The following DEDD2 variants were observed in gnomAD, a reference collection of about 807,000 sequenced individuals.
DEDD2 encodes the protein death effector domain containing 2.
In DEDD2, 18 loss-of-function variants were observed where a neutral mutation model predicts 28.9. The observed-to-expected ratio is 0.62, with a 90% CI of 0.43 to 0.92. The LOEUF (loss-of-function observed/expected upper bound fraction) is 0.92, where lower values mean the gene tolerates loss of function less well. DEDD2 is among the 40% of genes least tolerant of loss of function. DEDD2 has a pLI of 0.00. For missense variants in DEDD2, 411 were observed against 463.3 expected (o/e 0.89, Z 1.04); for synonymous variants, 211 against 206.1 (o/e 1.02, Z -0.20).
At chr19:42,207,402 T>C (rs2035577398) in intron 4 of DEDD2, among the ~76,000 whole-genome samples, 1 of 152,060 alleles carries the variant, frequency 6.6e-6, no homozygotes, top group African/African-American at 2.4e-5. Flanking sequence ...AGACAGGACA[T>C]GCCAGCATCT....
intron 3 of DEDD2, among the ~76,000 whole-genome samples, chr19:42,212,429 G>A (rs189868563): frequency 5.7e-4 from 85 of 150,394 alleles, no homozygotes; most frequent in Non-Finnish European, 1.1e-3. Flanking sequence ...TCTGTTGCCC[G>A]GGCTGGAGTC....
At chr19:42,202,872 C>T (rs144337434) in intron 4 of DEDD2, among the ~76,000 whole-genome samples, 4 of 152,314 alleles carry the variant, frequency 2.6e-5, no homozygotes, top group Admixed American at 6.5e-5. Context: ...TAGGAGCAGG[C>T]GAGGCTTCTC....
At chr19:42,202,033 T>G (rs2035351782) in intron 4 of DEDD2, 1 of 398,678 alleles carries the variant, frequency 2.5e-6, no homozygotes. Flanking sequence ...CTGTGGGGCC[T>G]TGGGCATGTG....
intron 4 of DEDD2, among the ~76,000 whole-genome samples, chr19:42,206,789 A>G (rs1351823286): frequency 2.0e-5 from 3 of 152,212 alleles, no homozygotes; most frequent in Admixed American, 6.5e-5. Flanking sequence ...CAGGTGAGGA[A>G]GAGTCAAGAA....
At position 42,217,081 on chromosome 19, in the gene DEDD2, G is replaced by A. The variant is rs1330471058; in HGVS notation, c.-38-36C>T. On this transcript the variant is annotated intron_variant, in intron 1 of 4. Coordinates refer to ENST00000596251, the MANE Select transcript of DEDD2 (RefSeq NM_133328.4). ...CACAGCGGGGAGGGGGCAGTGGTCA[G>A]CGACGCGGAGGCCCGAACCCCACAC... 2.8e-6 allele frequency: 4 copies of A among 1,445,792 alleles called. No homozygotes were observed. The African/African-American group carries it at 4.2e-5, about 15-fold the overall frequency. 89.6% of individuals were successfully genotyped at this position (1,445,792 alleles called of 1,614,324 possible). A position where few individuals can be genotyped will look rare whatever the true frequency, so the allele number is the denominator to read the frequency against.
At chr19:42,200,914 G>C (rs977021686) in intron 4 of DEDD2, among the ~76,000 whole-genome samples, 1 of 152,124 alleles carries the variant, frequency 6.6e-6, no homozygotes, top group Non-Finnish European at 1.5e-5. Flanking sequence ...CTCTCTTCCA[G>C]AATTTCTGAA....
chr19:42,215,883 G>A (rs1444017086), intron 2 of DEDD2, among the ~76,000 whole-genome samples: 7 of 152,184 alleles, frequency 4.6e-5, no homozygotes, highest in Non-Finnish European at 8.8e-5. Context: ...CATCAACTCT[G>A]GGGACAAGTT....
intron 3 of DEDD2, chr19:42,211,934 G>C (rs2035782916): frequency 6.6e-6 from 1 of 152,108 alleles, no homozygotes; most frequent in Admixed American, 6.6e-5. Flanking sequence ...CTACTCAGGA[G>C]GCTGAGGCAG....
chr19:42,209,247 AAAAG>A (rs772792173), intron 4 of DEDD2, among the ~76,000 whole-genome samples: 24 of 151,760 alleles, frequency 1.6e-4, no homozygotes, highest in Admixed American at 7.9e-4. Context: ...TCTCAAAAAA[AAAAG>A]AAAAGAAAAG....
chr19:42,203,797 C>G (rs1037711304), intron 4 of DEDD2, among the ~76,000 whole-genome samples: 3 of 152,180 alleles, frequency 2.0e-5, no homozygotes, highest in African/African-American at 7.2e-5. Flanking sequence ...TGGGTAGAAA[C>G]AGGGCCAGGG....
At chr19:42,203,874 AG>A (rs1358753028) in intron 4 of DEDD2, among the ~76,000 whole-genome samples, 3 of 152,206 alleles carry the variant, frequency 2.0e-5, no homozygotes, top group Admixed American at 6.5e-5. Flanking sequence ...AGAGAAGTGG[AG>A]GAACTGTCCA....
intron 4 of DEDD2, among the ~76,000 whole-genome samples, chr19:42,200,701 A>G (rs1439136329): frequency 6.6e-6 from 1 of 152,218 alleles, no homozygotes; most frequent in African/African-American, 2.4e-5. Flanking sequence ...CCAGAGATAA[A>G]AAGATTCCTG....
chr19:42,202,044 A>C, intron 4 of DEDD2: 1 of 398,754 alleles, frequency 2.5e-6, no homozygotes, highest in Non-Finnish European at 4.4e-6. Flanking sequence ...TGGGCATGTG[A>C]CCTTACCTCT....
intron 2 of DEDD2, 124 bp downstream of exon 2, chr19:42,216,556 A>G: frequency 1.0e-6 from 1 of 965,350 alleles, no homozygotes; most frequent in Non-Finnish European, 1.5e-6. Flanking sequence ...GTGGGAAGAG[A>G]GAGTAGCAGA....
At chr19:42,211,757 G>A (rs2035774528) in intron 3 of DEDD2, among the ~76,000 whole-genome samples, 1 of 152,010 alleles carries the variant, frequency 6.6e-6, no homozygotes, top group African/African-American at 2.4e-5. Flanking sequence ...TCTGGCTGGG[G>A]CTGGGTGCAG....
intron 4 of DEDD2, among the ~76,000 whole-genome samples, chr19:42,202,862 T>C (rs973537364): frequency 2.6e-5 from 4 of 152,180 alleles, no homozygotes; most frequent in Admixed American, 6.5e-5. Context: ...CACCAGGCAA[T>C]AGGAGCAGGC....
At chr19:42,212,466 G>GTT (rs922815242) in intron 3 of DEDD2, among the ~76,000 whole-genome samples, 1 of 143,366 alleles carries the variant, frequency 7.0e-6, no homozygotes, top group Non-Finnish European at 1.5e-5. Context: ...CACCCGGCTC[G>GTT]TTTTTTTTTT....
chr19:42,202,993 C>T (rs1306521192), intron 4 of DEDD2, among the ~76,000 whole-genome samples: 2 of 152,238 alleles, frequency 1.3e-5, no homozygotes, highest in Non-Finnish European at 2.9e-5. Context: ...CACGGTACTA[C>T]ATACTTCACA....
intron 3 of DEDD2, among the ~76,000 whole-genome samples, chr19:42,213,056 G>A (rs200957640): frequency 3.2e-4 from 48 of 152,174 alleles, no homozygotes; most frequent in Non-Finnish European, 1.8e-4. Context: ...TCTAGGGTGC[G>A]GAAGGGAAAG....
Sources: gnomAD v4.1 joint callset for allele counts (sites outside exome capture counted in the v4.1 genomes callset) on GRCh38, gnomAD v4.1.1 for gene constraint, MANE v1.5 for transcripts, NCBI Gene and HGNC (gene_info 2026-07-23, HGNC 2026-07-21) for gene names.